Variants in UNC13C observed in about 807,000 individuals in gnomAD.
UNC13C encodes the protein protein unc-13 homolog C.
Under a neutral mutation model 245.4 loss-of-function variants are expected in UNC13C, and 174 were observed. That is an observed-to-expected ratio of 0.71 (90% CI 0.63 to 0.80). The LOEUF (loss-of-function observed/expected upper bound fraction) is 0.80, where lower values mean the gene tolerates loss of function less well. UNC13C is among the 30% of genes least tolerant of loss of function. The pLI is 0.00. For missense variants in UNC13C, 2,829 were observed against 2,602.9 expected, an observed-to-expected ratio of 1.09 and a Z score of -1.89; for synonymous variants, 992 against 895.1, an observed-to-expected ratio of 1.11 and a Z score of -1.93.
chr15:54,627,753 T>C lies in UNC13C; in HGVS notation c.*640T>C. 1 of 152,624 alleles carries C rather than the reference T, an allele frequency of 6.6e-6. No homozygotes were observed. Among genetic ancestry groups the C allele is most frequent in the South Asian group, 2.1e-4 (1 of 4,836 alleles). 9.5% of individuals were successfully genotyped at this position (152,624 alleles called of 1,614,324 possible). ...GAGTTTGTTAACAATGTTTGATATA[T>C]ATTGACAAAACTTTGTTCTCTAAAA... On this transcript the variant is annotated 3_prime_UTR_variant, in exon 33 of 33. Transcript: ENST00000260323.
intron 2 of UNC13C, among the ~76,000 whole-genome samples, chr15:54,020,441 A>ATTTTTT (rs35981072): frequency 8.4e-5 from 9 of 106,826 alleles, no homozygotes; most frequent in Non-Finnish European, 1.1e-4. Flanking sequence ...CGCCCAGCTA[A>ATTTTTT]TTTTTTTTTT....
chr15:54,588,756 G>A (rs1248063068), intron 30 of UNC13C, among the ~76,000 whole-genome samples: 1 of 152,116 alleles, frequency 6.6e-6, no homozygotes, highest in Non-Finnish European at 1.5e-5. Context: ...CCATTCCTGA[G>A]TTGCTTCACT....
intron 19 of UNC13C, among the ~76,000 whole-genome samples, chr15:54,454,662 C>G (rs1435548327): frequency 1.3e-5 from 2 of 151,818 alleles, no homozygotes; most frequent in African/African-American, 4.8e-5. Flanking sequence ...TTTACCTATT[C>G]TGAGTACCTC....
At chr15:53,851,786 T>G in the UNC13C span, among the ~76,000 whole-genome samples, 2 of 152,246 alleles carry the variant, frequency 1.3e-5, no homozygotes, top group East Asian at 3.9e-4. Context: ...GAAGTCTCCA[T>G]AGAAGCCCAA....
At chr15:54,101,705 T>C (rs1900174669) in intron 2 of UNC13C, among the ~76,000 whole-genome samples, 1 of 151,998 alleles carries the variant, frequency 6.6e-6, no homozygotes, top group Admixed American at 6.6e-5. Flanking sequence ...TTCAGCCTCC[T>C]GAGTAGCTGG....
intron 2 of UNC13C, among the ~76,000 whole-genome samples, chr15:54,072,009 T>C (rs1898351674): frequency 6.6e-6 from 1 of 152,178 alleles, no homozygotes; most frequent in African/African-American, 2.4e-5. Flanking sequence ...TAAGATGACC[T>C]TAGATTTGCT....
intron 30 of UNC13C, among the ~76,000 whole-genome samples, chr15:54,573,856 C>A (rs949259198): frequency 1.3e-5 from 2 of 152,106 alleles, no homozygotes; most frequent in Non-Finnish European, 2.9e-5. Flanking sequence ...TAATAGTGCT[C>A]AGTCTAGGAC....
intron 2 of UNC13C, among the ~76,000 whole-genome samples, chr15:54,113,004 A>G (rs928686223): frequency 6.6e-6 from 1 of 152,206 alleles, no homozygotes; most frequent in Non-Finnish European, 1.5e-5. Flanking sequence ...GGTACAGTAA[A>G]TAGTGTTTTT....
the UNC13C span, among the ~76,000 whole-genome samples, chr15:53,971,190 CA>C: frequency 6.6e-5 from 10 of 152,116 alleles, no homozygotes; most frequent in Non-Finnish European, 1.2e-4. Context: ...GCAAACCACA[CA>C]ATGGATAAAT....
chr15:54,420,742 T>G (rs2040624245), intron 19 of UNC13C, among the ~76,000 whole-genome samples: 1 of 151,804 alleles, frequency 6.6e-6, no homozygotes, highest in African/African-American at 2.4e-5. Context: ...AACAGGAAAA[T>G]GAGGTGAGCA....
At chr15:54,417,009 T>A (rs1213890402) in intron 19 of UNC13C, 1 of 456,250 alleles carries the variant, frequency 2.2e-6, no homozygotes, top group African/African-American at 2.0e-5. Context: ...CAGAGAAGAT[T>A]TCCCTCACCG....
At chr15:54,435,705 A>G (rs1271752021) in intron 19 of UNC13C, among the ~76,000 whole-genome samples, 1 of 151,892 alleles carries the variant, frequency 6.6e-6, no homozygotes, top group African/African-American at 2.4e-5. Flanking sequence ...CACGTTAGGC[A>G]CATGTATCCC....
intron 18 of UNC13C, among the ~76,000 whole-genome samples, chr15:54,398,614 G>A (rs769321005): frequency 1.3e-5 from 2 of 151,262 alleles, no homozygotes; most frequent in Non-Finnish European, 3.0e-5. Flanking sequence ...AACTAAAAAT[G>A]TTATTTCTTC....
At chr15:54,173,622 T>C (rs1430421788) in intron 4 of UNC13C, among the ~76,000 whole-genome samples, 1 of 152,078 alleles carries the variant, frequency 6.6e-6, no homozygotes, top group African/African-American at 2.4e-5. Flanking sequence ...GCAGATTGCT[T>C]AGGAGTTTCT....
In UNC13C at chr15:54,627,802, T is replaced by TAAA. The variant is rs541987641; in HGVS notation, c.*692_*694dup. On this transcript the variant is annotated 3_prime_UTR_variant, in exon 33 of 33. Transcript: ENST00000260323. ...AACTGCCAAGATCACATCACATTTG[T>TAAA]AAAAATGGTAAGTTAATGCATTTGT... is the stretch of plus-strand genomic sequence containing the variant. The TAAA allele has an allele frequency of 4.6e-5, 7 of 152,580 alleles. No individual in the cohort carries two copies. Among genetic ancestry groups the TAAA allele is most frequent in the Admixed American group, 4.6e-4 (7 of 15,266 alleles). The allele number at this position is 152,580 out of a possible 1,614,324, so 9.5% of individuals were successfully genotyped here.
intron 17 of UNC13C, among the ~76,000 whole-genome samples, chr15:54,345,137 G>A (rs2140828194): frequency 6.6e-6 from 1 of 152,314 alleles, no homozygotes; most frequent in African/African-American, 2.4e-5. Flanking sequence ...GAGAGCCAAT[G>A]AAGAGTTGAT....
chr15:54,378,643 T>G (rs2140895171), intron 17 of UNC13C, among the ~76,000 whole-genome samples: 1 of 151,842 alleles, frequency 6.6e-6, no homozygotes, highest in Non-Finnish European at 1.5e-5. Flanking sequence ...ATCATTTCAA[T>G]ATTAGGAATC....
At chr15:54,527,035 C>A (rs62022412) in intron 25 of UNC13C, among the ~76,000 whole-genome samples, 7,986 of 152,212 alleles carry the variant, frequency 0.052, 354 homozygotes, top group Admixed American at 0.13. Context: ...ATGGAACTCA[C>A]CTTCAGGGCT....
At chr15:54,422,589 A>C (rs2040670486) in intron 19 of UNC13C, among the ~76,000 whole-genome samples, 1 of 151,918 alleles carries the variant, frequency 6.6e-6, no homozygotes, top group Non-Finnish European at 1.5e-5. Context: ...CACTGTCCTC[A>C]TGACTTCCTT....
Sources: allele counts gnomAD v4.1 joint callset (sites outside exome capture counted in the v4.1 genomes callset), GRCh38; gene constraint gnomAD v4.1.1; transcripts MANE v1.5; gene names NCBI Gene and HGNC (gene_info 2026-07-23, HGNC 2026-07-21).